The following ABCA12 variants were observed in gnomAD, a reference collection of about 807,000 sequenced individuals.
The protein encoded by ABCA12 is glucosylceramide transporter ABCA12.
Under a neutral mutation model 293.5 loss-of-function variants are expected in ABCA12, and 156 were observed. The ratio of observed to expected loss-of-function variants is 0.53; its 90% CI spans 0.47 to 0.61. ABCA12 has a LOEUF of 0.61. ABCA12 is among the 20% of genes least tolerant of loss of function. ABCA12 has a pLI of 0.00. For missense variants in ABCA12, 2,797 were observed against 3,090.2 expected (o/e 0.91, Z 2.25); for synonymous variants, 1,063 against 1,108.0 (o/e 0.96, Z 0.81).
chr2:215,049,910 C>T, intron 5 of ABCA12, 99 bp from the exon 6 acceptor site: 4 of 1,070,634 alleles, frequency 3.7e-6, no homozygotes, highest in South Asian at 2.7e-5. Context: ...TCAAAATAGC[C>T]ATTTTGAGGT....
At chr2:214,979,519 CTAAAA>C (rs1699601648) in intron 31 of ABCA12, among the ~76,000 whole-genome samples, 1 of 151,700 alleles carries the variant, frequency 6.6e-6, no homozygotes, top group Non-Finnish European at 1.5e-5. Flanking sequence ...TAAATATTTA[CTAAAA>C]TATTATTTAT....
chr2:215,079,726 C>T (rs1308523948), intron 2 of ABCA12, among the ~76,000 whole-genome samples: 1 of 152,012 alleles, frequency 6.6e-6, no homozygotes, highest in Non-Finnish European at 1.5e-5. Flanking sequence ...TTTAATTTTT[C>T]CTTTTGGTGA....
At chr2:215,041,722 T>C (rs528381921) in intron 7 of ABCA12, among the ~76,000 whole-genome samples, 2 of 152,298 alleles carry the variant, frequency 1.3e-5, no homozygotes, top group East Asian at 1.9e-4. Flanking sequence ...GCTGTGTTCA[T>C]TGCAGCACTA....
intron 11 of ABCA12, among the ~76,000 whole-genome samples, chr2:215,024,930 T>C (rs1384965862): frequency 6.6e-6 from 1 of 152,186 alleles, no homozygotes; most frequent in Non-Finnish European, 1.5e-5. Context: ...CATACAGTTA[T>C]ATATTTTTTG....
rs545807074 is a variant in ABCA12, at chr2:215,138,559, GAA to G, written c.-353_-352del. 0.02 allele frequency: 4,343 copies of G among 222,066 alleles called. No homozygotes were observed. The highest frequency in any genetic ancestry group is 0.038 in the South Asian group (694 of 18,442). 13.8% of individuals were successfully genotyped at this position (222,066 alleles called of 1,614,324 possible). ...AGCATCATTCAGATAATGCCTCACT[GAA>G]AAAAAAAAAAAAGCAGCAGCTGAAC... On this transcript the variant is annotated 5_prime_UTR_variant, in exon 1 of 53. It introduces an in-frame stop codon into an upstream open reading frame of the 5' UTR. Coordinates refer to ENST00000272895, the MANE Select transcript of ABCA12 (RefSeq NM_173076.3).
chr2:214,943,056 C>T, intron 49 of ABCA12, 39 bp from the exon 50 acceptor site: 1 of 1,558,738 alleles, frequency 6.4e-7, no homozygotes, highest in Non-Finnish European at 8.8e-7. Context: ...ATTCAGGATA[C>T]AGAAAACTTG....
At chr2:214,976,406 C>G (rs1699518332) in intron 33 of ABCA12, among the ~76,000 whole-genome samples, 2 of 152,172 alleles carry the variant, frequency 1.3e-5, no homozygotes, top group Admixed American at 1.3e-4. Context: ...GTATATATTA[C>G]TAATACTCAA....
chr2:214,959,759 T>A (rs1435163848), intron 39 of ABCA12, among the ~76,000 whole-genome samples: 1 of 152,124 alleles, frequency 6.6e-6, no homozygotes, highest in Non-Finnish European at 1.5e-5. Context: ...ATTGCTGGGA[T>A]CTCCCAGTGT....
At position 214,954,019 on chromosome 2, in the gene ABCA12, T is replaced by G; in HGVS notation, c.6482A>C (p.Gln2161Pro). 6.2e-7 allele frequency: 1 copy of G among 1,614,034 alleles called. No individual in the cohort carries two copies. Among genetic ancestry groups the G allele is most frequent in the Non-Finnish European group, 8.5e-7 (1 of 1,179,952 alleles). Residue 2161 changes from glutamine to proline, a missense_variant, in exon 44 of 53, where the codon CAA (glutamine) becomes CCA (proline). This residue lies in a region of ABCA12 where 2,130 missense variants were observed against 2,427.0 expected (regional missense o/e 0.88). Transcript: ENST00000272895. ...CFGYGLIELS[Q>P]QQSVLDFLKA... ...TAAGAAGTCTAGGACCGACTGTTGT[T>G]GAGAAAGTTCAATCAAACCGTAGCC...
intron 1 of ABCA12, 143 bp downstream of exon 1, chr2:215,137,997 G>C: frequency 1.2e-6 from 1 of 868,346 alleles, no homozygotes; most frequent in Non-Finnish European, 2.0e-6. Context: ...AGACAGATAG[G>C]GGGATGAATT....
At chr2:215,033,927 T>C (rs575714611) in intron 8 of ABCA12, among the ~76,000 whole-genome samples, 7 of 151,760 alleles carry the variant, frequency 4.6e-5, no homozygotes, top group Middle Eastern at 3.4e-3. Flanking sequence ...GGCGACGGAG[T>C]GAGACTCCGT....
Position 214,948,175 on chromosome 2 carries a change from T to TA in ABCA12, c.7104+420dup, listed in dbSNP as rs530377392. On this transcript the variant is annotated intron_variant, in intron 47 of 52. Coordinates refer to ENST00000272895, the MANE Select transcript of ABCA12 (RefSeq NM_173076.3). The stretch of plus-strand genomic sequence containing the variant: ...AATGGCAAATAGTTGCAGTGAGATC[T>TA]AAAGCCACAGATTAAAAACCAAAGT... Among the ~76,000 whole-genome samples the TA allele has an allele frequency of 3.9e-4, 60 of 152,322 alleles. No individual in the cohort carries two copies. The South Asian group carries it at 8.1e-3, about 21-fold the overall frequency.
Position 214,945,025 on chromosome 2 carries a change from C to T in ABCA12, c.7319G>A (p.Cys2440Tyr). ...CCTGTGAGATGTGAGGATGACGGAA[C>T]ATTTGTTCTGTACTTCTTCTGAAAT... The part of the protein sequence containing the change: ...KIISEEVQNK[C>Y]SVILTSHSME... Residue 2440 changes from cysteine (C) to tyrosine (Y), a missense_variant, in exon 49 of 53, where the codon TGT becomes TAT. Cys to Tyr is a radical substitution (Grantham distance 194, BLOSUM62 -2). This residue lies in a region of ABCA12 where 2,130 missense variants were observed against 2,427.0 expected (regional missense o/e 0.88). Transcript: ENST00000272895. 2 of 1,613,688 alleles carry T rather than the reference C, an allele frequency of 1.2e-6. No homozygotes were observed. The highest frequency in any genetic ancestry group is 1.7e-6 in the Non-Finnish European group (2 of 1,179,846).
chr2:215,103,179 G>C (rs1702391764), intron 2 of ABCA12, among the ~76,000 whole-genome samples: 1 of 151,656 alleles, frequency 6.6e-6, no homozygotes, highest in Non-Finnish European at 1.5e-5. Flanking sequence ...CTTAATTAGT[G>C]CTTAATAGAT....
intron 48 of ABCA12, among the ~76,000 whole-genome samples, chr2:214,946,210 G>C (rs1160725784): frequency 6.6e-6 from 1 of 151,954 alleles, no homozygotes; most frequent in Non-Finnish European, 1.5e-5. Context: ...ATTATTATGT[G>C]TCAATTAAAA....
chr2:215,063,069 G>A (rs1184958006), intron 3 of ABCA12, among the ~76,000 whole-genome samples: 3 of 151,888 alleles, frequency 2.0e-5, no homozygotes, highest in South Asian at 2.1e-4. Context: ...TAAGCATCAA[G>A]CCTAATTATT....
chr2:214,941,749 T>C lies in ABCA12; in HGVS notation c.7436+1176A>G, dbSNP rs1426125661. Among the ~76,000 whole-genome samples the C allele has an allele frequency of 5.3e-5, 8 of 151,878 alleles. No homozygotes were observed. The East Asian group carries it at 1.5e-3, about 29-fold the overall frequency. ...GATCTTTGTTGGTTTAAAGTCTGTT[T>C]GTTTTATCAGAGACTAGGATTGCAA... On this transcript the variant is annotated intron_variant, in intron 50 of 52. Coordinates refer to ENST00000272895, the MANE Select transcript of ABCA12 (RefSeq NM_173076.3).
chr2:214,951,531 C>A (rs113347533), intron 44 of ABCA12, among the ~76,000 whole-genome samples: 1,871 of 152,158 alleles, frequency 0.012, 44 homozygotes, highest in African/African-American at 0.043. Context: ...GAGAGGCCGA[C>A]GGATCACCTG....
In ABCA12 at chr2:215,017,178, T is replaced by C. The variant is rs866581701; in HGVS notation, c.1782+830A>G. ...AACCTTAAAGGCTTTTTAGAAACTA[T>C]CCAATATTGGAAAATAACTGGGCTG... is the stretch of plus-strand genomic sequence containing the variant. On this transcript the variant is annotated intron_variant, in intron 14 of 52. Transcript: ENST00000272895. Among the ~76,000 whole-genome samples the C allele has an allele frequency of 7.2e-5, 11 of 152,152 alleles. No homozygotes were observed. In the South Asian group the frequency reaches 1.0e-3, roughly 14 times the overall value.
Sources: allele counts gnomAD v4.1 joint callset (sites outside exome capture counted in the v4.1 genomes callset), GRCh38; gene constraint gnomAD v4.1.1; regional missense constraint gnomAD v4.1.1; transcripts MANE v1.5; gene names NCBI Gene and HGNC (gene_info 2026-07-23, HGNC 2026-07-21).